MAP4K3: variants seen among roughly 807,000 people sequenced by gnomAD.
MAP4K3 encodes the protein mitogen-activated protein kinase kinase kinase kinase 3.
MAP4K3 carries 94 observed loss-of-function variants against 143.5 expected under a neutral mutation model. The observed-to-expected ratio is 0.65, with a 90% confidence interval of 0.55 to 0.78. The LOEUF is 0.78. MAP4K3 is among the 30% of genes least tolerant of loss of function. The pLI, the probability that MAP4K3 is intolerant of heterozygous loss-of-function variation, is 0.00. For missense variants in MAP4K3, 1,077 were observed against 1,068.1 expected (o/e 1.01, Z -0.12); for synonymous variants, 416 against 347.2 (o/e 1.20, Z -2.20).
intron 33 of MAP4K3, among the ~76,000 whole-genome samples, chr2:39,251,015 A>C (rs1369550301): frequency 6.6e-6 from 1 of 152,218 alleles, no homozygotes; most frequent in East Asian, 1.9e-4. Context: ...TTGCAGTTCA[A>C]GAACCAGAAG....
intron 21 of MAP4K3, among the ~76,000 whole-genome samples, chr2:39,284,086 AAT>A (rs1047112789): frequency 1.1e-4 from 16 of 152,304 alleles, no homozygotes; most frequent in African/African-American, 3.6e-4. Flanking sequence ...TTATGCAAAT[AAT>A]ATATATTTTT....
intron 1 of MAP4K3, among the ~76,000 whole-genome samples, chr2:39,415,980 A>AATATATATATATATATATATAT (rs1553318574): frequency 8.1e-4 from 12 of 14,750 alleles, no homozygotes; most frequent in Admixed American, 1.4e-3. Flanking sequence ...AAAAAAAAAA[A>AATATATATATATATATATATAT]ATATATATAT....
At position 39,343,327 on chromosome 2, in the gene MAP4K3, T is replaced by C. The variant is rs766649700; in HGVS notation, c.310+61A>G. On this transcript the variant is annotated intron_variant, in intron 4 of 33. Transcript: ENST00000263881. ...AGATAATGTTGATGTTTTAATATAG[T>C]AAATAGCTGTATTTTAAGAAATTCA... 5.5e-6 allele frequency: 6 copies of C among 1,097,148 alleles called. No homozygotes were observed. In the Admixed American group the frequency reaches 9.5e-5, roughly 17 times the overall value. The allele number at this position is 1,097,148 out of a possible 1,614,324, so 68.0% of individuals were successfully genotyped here.
intron 15 of MAP4K3, chr2:39,303,111 C>G (rs75703290): frequency 2.9e-4 from 48 of 167,100 alleles, no homozygotes; most frequent in African/African-American, 1.0e-3. Context: ...AGAATTGATA[C>G]AGTTCACTAC....
chr2:39,252,656 T>C (rs1230967605), intron 32 of MAP4K3, among the ~76,000 whole-genome samples: 2 of 152,194 alleles, frequency 1.3e-5, no homozygotes, highest in Non-Finnish European at 2.9e-5. Context: ...TATTATGAAT[T>C]AGAAGGGCAG....
chr2:39,337,658 T>C, intron 4 of MAP4K3, 77 bp from the exon 5 acceptor site: 1 of 942,978 alleles, frequency 1.1e-6, no homozygotes, highest in South Asian at 1.4e-5. Context: ...TTTACAAGTT[T>C]AAGCAACAGA....
At chr2:39,254,960 A>C (rs1680290877) in intron 31 of MAP4K3, among the ~76,000 whole-genome samples, 1 of 152,140 alleles carries the variant, frequency 6.6e-6, no homozygotes, top group Non-Finnish European at 1.5e-5. Context: ...CCACCCAACA[A>C]TCAGATCCTA....
intron 3 of MAP4K3, among the ~76,000 whole-genome samples, chr2:39,345,018 T>C (rs1665245581): frequency 6.6e-6 from 1 of 152,202 alleles, no homozygotes; most frequent in Admixed American, 6.5e-5. Context: ...TCTCTTAAAA[T>C]GTGGCACCCA....
At position 39,250,533 on chromosome 2, in the gene MAP4K3, G is replaced by T; in HGVS notation, c.*85C>A. The T allele has an allele frequency of 1.5e-6, 2 of 1,290,626 alleles. No individual in the cohort carries two copies. The highest frequency in any genetic ancestry group is 2.2e-6 in the Non-Finnish European group (2 of 912,512). 79.9% of individuals were successfully genotyped at this position (1,290,626 alleles called of 1,614,324 possible). A position where few individuals can be genotyped will look rare whatever the true frequency, so the allele number is the denominator to read the frequency against. On this transcript the variant is annotated 3_prime_UTR_variant, in exon 34 of 34. Coordinates refer to ENST00000263881, the MANE Select transcript of MAP4K3 (RefSeq NM_003618.4). Reference sequence around the variant, plus strand: ...AAGTAACTGAAGACAGGTTACTGCAGCTTTTGTACAGCTTCAAGCATCCAT... The same window carrying T: ...AAGTAACTGAAGACAGGTTACTGCATCTTTTGTACAGCTTCAAGCATCCAT...
chr2:39,416,006 A>ATAT lies in MAP4K3; in HGVS notation c.96+20885_96+20886insATA, dbSNP rs1420812309. Reference sequence around the variant, plus strand: ...ATATATATATATATATATATATATAAAAATAACATTTGGAAGAATAAATTC... The same window carrying ATAT: ...ATATATATATATATATATATATATAATATAAATAACATTTGGAAGAATAAATTC... On this transcript the variant is annotated intron_variant, in intron 1 of 33. Transcript: ENST00000263881. 1.2e-3 allele frequency among the ~76,000 whole-genome samples: 92 copies of ATAT among 75,838 alleles called. 1 individual carries two copies. The highest frequency in any genetic ancestry group is 5.1e-3 in the African/African-American group (70 of 13,860). The allele number at this position is 75,838 out of a possible 152,430, so 49.8% of individuals were successfully genotyped here.
In MAP4K3 at chr2:39,365,053, C is replaced by T. The variant is rs563621264; in HGVS notation, c.155-8714G>A. Among the ~76,000 whole-genome samples the T allele has an allele frequency of 2.0e-5, 3 of 152,162 alleles. No homozygotes were observed. In the South Asian group the frequency reaches 6.2e-4, roughly 32 times the overall value. ...AATCCTCTATAGAATACAGATTTCC[C>T]CCACAAGAGACGGCTTTGCAGGACC... On this transcript the variant is annotated intron_variant, in intron 2 of 33. Transcript: ENST00000263881.
intron 33 of MAP4K3, 40 bp downstream of exon 33, chr2:39,251,790 A>T: frequency 6.6e-7 from 1 of 1,513,228 alleles, no homozygotes; most frequent in East Asian, 2.3e-5. Flanking sequence ...TCTATAAAAC[A>T]CGTTTAGTAC....
At chr2:39,263,373 G>T (rs1426864906) in intron 28 of MAP4K3, among the ~76,000 whole-genome samples, 3 of 147,950 alleles carry the variant, frequency 2.0e-5, no homozygotes, top group Admixed American at 1.3e-4. Context: ...CCCGGGTTCA[G>T]GCCATTCTCC....
At chr2:39,266,970 A>G (rs557492774) in intron 27 of MAP4K3, among the ~76,000 whole-genome samples, 4 of 152,304 alleles carry the variant, frequency 2.6e-5, no homozygotes, top group South Asian at 4.1e-4. Flanking sequence ...TGTTTAGCAA[A>G]TAATTTATTT....
At chr2:39,339,766 T>C (rs1665088941) in intron 4 of MAP4K3, among the ~76,000 whole-genome samples, 1 of 151,908 alleles carries the variant, frequency 6.6e-6, no homozygotes, top group Admixed American at 6.6e-5. Context: ...AGCATTCAAA[T>C]ATATATTGGA....
intron 1 of MAP4K3, among the ~76,000 whole-genome samples, chr2:39,426,332 G>A (rs1393012756): frequency 1.3e-5 from 2 of 152,062 alleles, no homozygotes; most frequent in Admixed American, 1.3e-4. Flanking sequence ...ACTAAAAATA[G>A]CATATGATTC....
At chr2:39,375,826 T>C (rs1372923024) in intron 2 of MAP4K3, among the ~76,000 whole-genome samples, 2 of 152,216 alleles carry the variant, frequency 1.3e-5, no homozygotes, top group African/African-American at 2.4e-5. Context: ...ACCTTTCACA[T>C]GGAATCATAC....
intron 2 of MAP4K3, among the ~76,000 whole-genome samples, chr2:39,357,380 G>A (rs1431841486): frequency 1.3e-5 from 2 of 152,202 alleles, no homozygotes; most frequent in Non-Finnish European, 2.9e-5. Flanking sequence ...GTAAAAAACA[G>A]AAGGCTTCCC....
intron 1 of MAP4K3, among the ~76,000 whole-genome samples, chr2:39,427,979 T>C (rs1057318667): frequency 2.0e-5 from 3 of 152,250 alleles, no homozygotes; most frequent in Non-Finnish European, 2.9e-5. Context: ...TTGGTATGAC[T>C]TCACAGTTCT....
Sources: gnomAD v4.1 joint callset for allele counts (sites outside exome capture counted in the v4.1 genomes callset) on GRCh38, gnomAD v4.1.1 for gene constraint, MANE v1.5 for transcripts, NCBI Gene and HGNC (gene_info 2026-07-23, HGNC 2026-07-21) for gene names.